Variants in GPRIN2 observed in about 807,000 individuals in gnomAD.
The protein encoded by GPRIN2 is G protein-regulated inducer of neurite outgrowth 2.
GPRIN2 carries 1 observed loss-of-function variant against 0.3 expected under a neutral mutation model. That is an observed-to-expected ratio of 3.90 (90% CI 1.39 to 18.51). GPRIN2 has a LOEUF of 18.51. Among genes scored for constraint, GPRIN2 ranks in the 30% most tolerant of loss-of-function variants. The pLI is 0.11. For synonymous variants in GPRIN2, 361 were observed against 258.6 expected (o/e 1.40, Z -3.80); for missense variants, 880 against 604.2 (o/e 1.46, Z -4.79).
chr10:46,553,198 T>G (rs1842808616), intron 2 of GPRIN2, among the ~76,000 whole-genome samples: 1 of 152,308 alleles, frequency 6.6e-6, no homozygotes, highest in Non-Finnish European at 1.5e-5. Context: ...CTTCGAGCAC[T>G]GAGCAGGCCT....
In GPRIN2 at chr10:46,542,408, G is replaced by T. The variant is rs987541995; in HGVS notation, c.*6952C>A. ...GTGGAGGTGATGGAATCGTGGGGGC[G>T]GTTCCCCCATGCTGTTCTTGTGATA... On this transcript the variant is annotated 3_prime_UTR_variant, in exon 3 of 3. Coordinates refer to ENST00000374314, the MANE Select transcript of GPRIN2 (RefSeq NM_001385282.1). Among the ~76,000 whole-genome samples the T allele has an allele frequency of 1.3e-5, 2 of 152,302 alleles. No individual in the cohort carries two copies. Among genetic ancestry groups the T allele is most frequent in the African/African-American group, 4.8e-5 (2 of 41,482 alleles).
rs1309171424 is a variant in GPRIN2 at position 46,542,406 on chromosome 10, GC to G, written c.*6953del. Among the ~76,000 whole-genome samples, 2 of 152,312 alleles carry G rather than the reference GC, an allele frequency of 1.3e-5. No homozygotes were observed. The highest frequency in any genetic ancestry group is 4.8e-5 in the African/African-American group (2 of 41,488). ...AGGTGGAGGTGATGGAATCGTGGGGGCGGTTCCCCCATGCTGTTCTTGTGAT... is the reference window on the plus strand; with the variant it reads ...AGGTGGAGGTGATGGAATCGTGGGGGGGTTCCCCCATGCTGTTCTTGTGAT... On this transcript the variant is annotated 3_prime_UTR_variant, in exon 3 of 3. Transcript: ENST00000374314.
rs912364230 is a variant in GPRIN2, at chr10:46,546,080, A to G, written c.*3280T>C. On this transcript the variant is annotated 3_prime_UTR_variant, in exon 3 of 3. Transcript: ENST00000374314. ...GACAGAGACCCAATCCAGGTGACAC[A>G]GGAGGTAAGATCACAGTGGAACAGG... 1.1e-4 allele frequency among the ~76,000 whole-genome samples: 17 copies of G among 152,416 alleles called. No homozygotes were observed. The highest frequency in any genetic ancestry group is 3.8e-4 in the African/African-American group (16 of 41,598).
At position 46,549,017 on chromosome 10, in the gene GPRIN2, C is replaced by A; in HGVS notation, c.*343G>T. On this transcript the variant is annotated 3_prime_UTR_variant, in exon 3 of 3. Coordinates refer to ENST00000374314, the MANE Select transcript of GPRIN2 (RefSeq NM_001385282.1). ...TCAAATAAAGCCACCAAGAGTCTGA[C>A]GAGGCAACATGGCAGAGTTCTGAGG... 2.7e-6 allele frequency: 1 copy of A among 365,750 alleles called. No individual in the cohort carries two copies. Among genetic ancestry groups the A allele is most frequent in the Non-Finnish European group, 5.1e-6 (1 of 197,952 alleles). 22.7% of individuals were successfully genotyped at this position (365,750 alleles called of 1,614,324 possible). A position where few individuals can be genotyped will look rare whatever the true frequency, so the allele number is the denominator to read the frequency against.
rs1322156616 is a variant in GPRIN2 at position 46,556,504 on chromosome 10, G to A, written c.-124C>T. Among the ~76,000 whole-genome samples the A allele has an allele frequency of 2.6e-5, 4 of 152,208 alleles. No individual in the cohort carries two copies. The East Asian group carries it at 7.7e-4, about 29-fold the overall frequency. On this transcript the variant is annotated 5_prime_UTR_variant, in exon 1 of 3. Transcript: ENST00000374314. ...CGCGGAGCCAGCCTCTCACCCTCTC[G>A]CCCGCCGGGGCCGCGCAGGCGGGGG...
intron 2 of GPRIN2, among the ~76,000 whole-genome samples, 152 bp downstream of exon 2, chr10:46,554,433 T>C (rs1001745083): frequency 1.7e-4 from 26 of 152,374 alleles, no homozygotes; most frequent in African/African-American, 5.8e-4. Flanking sequence ...GTCTGCACTT[T>C]AAATGCCCAG....
Position 46,549,376 on chromosome 10 carries a change from C to T in GPRIN2, c.1361G>A (p.Gly454Asp). 3 of 1,483,364 alleles carry T rather than the reference C, an allele frequency of 2.0e-6. No individual in the cohort carries two copies. The highest frequency in any genetic ancestry group is 2.7e-6 in the Non-Finnish European group (3 of 1,119,138). The allele number at this position is 1,483,364 out of a possible 1,614,324, so 91.9% of individuals were successfully genotyped here. A position where few individuals can be genotyped will look rare whatever the true frequency, so the allele number is the denominator to read the frequency against. The change falls in exon 3 of 3, where the codon GGC (glycine) becomes GAC (aspartate). Residue 454 changes from glycine to aspartate, a missense_variant. Gly to Asp is a moderately conservative substitution (Grantham distance 94). Coordinates refer to ENST00000374314, the MANE Select transcript of GPRIN2 (RefSeq NM_001385282.1). ...CACAGCTCCTCACTCGGGGGCCGCGCCGGAGCAGCCGCAGCAGCTGGGGCG... is the reference window on the plus strand; with the variant it reads ...CACAGCTCCTCACTCGGGGGCCGCGTCGGAGCAGCCGCAGCAGCTGGGGCG... ...LRRPSCCGCSGAAPE is the reference protein window; with the variant it reads ...LRRPSCCGCSDAAPE
In GPRIN2 at chr10:46,541,924, TC is replaced by T. The variant is rs1273569370; in HGVS notation, c.*7435del. ...CCCTGCTGGTTCCTGCCCCACCCCTTCCCCCAGCCCAGGAGGCTTCCACCCC... is the reference window on the plus strand; with the variant it reads ...CCCTGCTGGTTCCTGCCCCACCCCTTCCCCAGCCCAGGAGGCTTCCACCCC... On this transcript the variant is annotated 3_prime_UTR_variant, in exon 3 of 3. Coordinates refer to ENST00000374314, the MANE Select transcript of GPRIN2 (RefSeq NM_001385282.1). Among the ~76,000 whole-genome samples the T allele has an allele frequency of 6.6e-6, 1 of 152,260 alleles. No individual in the cohort carries two copies. Among genetic ancestry groups the T allele is most frequent in the Non-Finnish European group, 1.5e-5 (1 of 68,040 alleles).
chr10:46,542,473 G>T lies in GPRIN2; in HGVS notation c.*6887C>A, dbSNP rs1390373278. On this transcript the variant is annotated 3_prime_UTR_variant, in exon 3 of 3. Coordinates refer to ENST00000374314, the MANE Select transcript of GPRIN2 (RefSeq NM_001385282.1). ...GATCTGATGGTTTTATAAGTGTTTGGTAGTTCCTTCTGCATTCATTTTCCT... is the reference window on the plus strand; with the variant it reads ...GATCTGATGGTTTTATAAGTGTTTGTTAGTTCCTTCTGCATTCATTTTCCT... Among the ~76,000 whole-genome samples the T allele has an allele frequency of 6.6e-6, 1 of 152,428 alleles. No individual in the cohort carries two copies. The highest frequency in any genetic ancestry group is 2.4e-5 in the African/African-American group (1 of 41,610).
rs1833018057 is a variant in GPRIN2 at position 46,543,874 on chromosome 10, G to A, written c.*5486C>T. Among the ~76,000 whole-genome samples the A allele has an allele frequency of 3.9e-5, 6 of 152,302 alleles. No homozygotes were observed. The East Asian group carries it at 1.2e-3, about 29-fold the overall frequency. On this transcript the variant is annotated 3_prime_UTR_variant, in exon 3 of 3. Transcript: ENST00000374314. ...AGAGTGACCGCACAAGTGAGCAAAG[G>A]CGGCATTCACCCAACTCTTGGGACA...
chr10:46,552,678 T>C, intron 2 of GPRIN2, among the ~76,000 whole-genome samples: 1 of 152,426 alleles, frequency 6.6e-6, no homozygotes, highest in East Asian at 1.9e-4. Flanking sequence ...CAATGGCATG[T>C]GGGTACCAAG....
At position 46,550,086 on chromosome 10, in the gene GPRIN2, A is replaced by C; in HGVS notation, c.651T>G (p.Ala217=). 6.2e-7 allele frequency: 1 copy of C among 1,613,412 alleles called. No homozygotes were observed. Residue 217 remains alanine (A), a synonymous_variant, in exon 3 of 3, where the codon GCT becomes GCG. Transcript: ENST00000374314. The part of the protein sequence containing the change: ...HSSSAQAEPK[A]AEQLATTTCH... ...AGGTGGTGGTAGCCAGCTGTTCAGC[A>C]GCTTTGGGCTCAGCCTGGGCACTGC...
In GPRIN2 at chr10:46,545,752, A is replaced by G. The variant is rs899649313; in HGVS notation, c.*3608T>C. On this transcript the variant is annotated 3_prime_UTR_variant, in exon 3 of 3. Coordinates refer to ENST00000374314, the MANE Select transcript of GPRIN2 (RefSeq NM_001385282.1). Reference sequence around the variant, plus strand: ...GGCTATGAGAGGGGTGCCCAACACTACCAGCCTGTGTGCTGAGCACTAACT... The same window carrying G: ...GGCTATGAGAGGGGTGCCCAACACTGCCAGCCTGTGTGCTGAGCACTAACT... 2.0e-5 allele frequency among the ~76,000 whole-genome samples: 3 copies of G among 152,304 alleles called. No individual in the cohort carries two copies. Among genetic ancestry groups the G allele is most frequent in the Non-Finnish European group, 4.4e-5 (3 of 68,056 alleles).
In GPRIN2 at chr10:46,545,983, C is replaced by A. The variant is rs1386444977; in HGVS notation, c.*3377G>T. ...CTAAGCTACGGTGGCCAACCCCAGC[C>A]CAAAGTGTTGGGACCTGCGTGTAGA... On this transcript the variant is annotated 3_prime_UTR_variant, in exon 3 of 3. Coordinates refer to ENST00000374314, the MANE Select transcript of GPRIN2 (RefSeq NM_001385282.1). Among the ~76,000 whole-genome samples the A allele has an allele frequency of 6.6e-6, 1 of 152,312 alleles. No homozygotes were observed. Among genetic ancestry groups the A allele is most frequent in the Non-Finnish European group, 1.5e-5 (1 of 68,058 alleles).
chr10:46,557,397 G>A (rs1481963242), upstream of GPRIN2, among the ~76,000 whole-genome samples: 1 of 152,276 alleles, frequency 6.6e-6, no homozygotes, highest in Non-Finnish European at 1.5e-5. Flanking sequence ...TCCTTCCCTA[G>A]GGTTGCATCT....
Position 46,547,702 on chromosome 10 carries a change from C to T in GPRIN2, c.*1658G>A, listed in dbSNP as rs1172650638. Among the ~76,000 whole-genome samples the T allele has an allele frequency of 6.6e-6, 1 of 152,310 alleles. No homozygotes were observed. The highest frequency in any genetic ancestry group is 2.4e-5 in the African/African-American group (1 of 41,486). On this transcript the variant is annotated 3_prime_UTR_variant, in exon 3 of 3. Transcript: ENST00000374314. The stretch of plus-strand genomic sequence containing the variant: ...GGGTTCCTGGAGACTCCATGGGGAG[C>T]CAGGCATGAAGATGGCATATACCCA...
At position 46,553,144 on chromosome 10, in the gene GPRIN2, AC is replaced by A. The variant is rs1216208130; in HGVS notation, c.-7+1440del. 5.9e-5 allele frequency among the ~76,000 whole-genome samples: 9 copies of A among 152,416 alleles called. No homozygotes were observed. In the South Asian group the frequency reaches 1.7e-3, roughly 28 times the overall value. On this transcript the variant is annotated intron_variant, in intron 2 of 2. Transcript: ENST00000374314. Reference sequence around the variant, plus strand: ...TCCATAAGCTCAGAGAGGCTCAGTGACCCCCAAGGGCACACACCTGTGGGGC... The same window carrying A: ...TCCATAAGCTCAGAGAGGCTCAGTGACCCCAAGGGCACACACCTGTGGGGC...
rs1555021022 is a variant in GPRIN2 at position 46,550,711 on chromosome 10, C to A, written c.26G>T (p.Gly9Val). 3.3e-6 allele frequency: 5 copies of A among 1,508,768 alleles called. No individual in the cohort carries two copies. The highest frequency in any genetic ancestry group is 1.4e-5 in the African/African-American group (1 of 71,384). 93.5% of individuals were successfully genotyped at this position (1,508,768 alleles called of 1,614,324 possible). Residue 9 changes from glycine (G) to valine (V), a missense_variant, in exon 3 of 3, where the codon GGT becomes GTT. By Grantham distance (109) the Gly-to-Val change is moderately radical (BLOSUM62 -3). Transcript: ENST00000374314. MSSSRPEPGPWAPLSPRLQ... is the reference protein window; with the variant it reads MSSSRPEPVPWAPLSPRLQ... ...GCGGGGGCTCAGGGGTGCCCAGGGACCCGGCTCGGGGCGGCTGGAGCTCAT... is the reference window on the plus strand; with the variant it reads ...GCGGGGGCTCAGGGGTGCCCAGGGAACCGGCTCGGGGCGGCTGGAGCTCAT...
rs1388734080 is a variant in GPRIN2, at chr10:46,549,149, GC to G, written c.*210del. ...AGAGCCCGGAAGGTGCAGAGATGTG[GC>G]CCTTGGAAATCAAGCCCTTAAGAAA... On this transcript the variant is annotated 3_prime_UTR_variant, in exon 3 of 3. Coordinates refer to ENST00000374314, the MANE Select transcript of GPRIN2 (RefSeq NM_001385282.1). 3 of 578,114 alleles carry G rather than the reference GC, an allele frequency of 5.2e-6. No homozygotes were observed. The highest frequency in any genetic ancestry group is 8.6e-6 in the Non-Finnish European group (3 of 346,980). 35.8% of individuals were successfully genotyped at this position (578,114 alleles called of 1,614,324 possible). A position where few individuals can be genotyped will look rare whatever the true frequency, so the allele number is the denominator to read the frequency against.
Sources: gnomAD v4.1 joint callset for allele counts (sites outside exome capture counted in the v4.1 genomes callset) on GRCh38, gnomAD v4.1.1 for gene constraint, MANE v1.5 for transcripts, NCBI Gene and HGNC (gene_info 2026-07-23, HGNC 2026-07-21) for gene names.